ANKFN1: variants seen among roughly 807,000 people sequenced by gnomAD.
The protein encoded by ANKFN1 is ankyrin repeat and fibronectin type III domain containing 1.
In ANKFN1, 74 loss-of-function variants were observed where a neutral mutation model predicts 108.7. The observed-to-expected ratio is 0.68, with a 90% confidence interval of 0.56 to 0.83. The LOEUF is 0.83. ANKFN1 is among the 40% of genes least tolerant of loss of function. The pLI is 0.00. For missense variants in ANKFN1, 1,505 were observed against 1,382.3 expected (o/e 1.09, Z -1.41); for synonymous variants, 547 against 516.2 (o/e 1.06, Z -0.81).
At chr17:56,385,972 T>C (rs1431393295) in intron 8 of ANKFN1, among the ~76,000 whole-genome samples, 1 of 152,172 alleles carries the variant, frequency 6.6e-6, no homozygotes, top group Non-Finnish European at 1.5e-5. Context: ...CATTACTGGG[T>C]ATATACCCAA....
At position 56,374,594 on chromosome 17, in the gene ANKFN1, G is replaced by C. The variant is rs1004410679; in HGVS notation, c.797-7G>C. 1 of 1,605,420 alleles carries C rather than the reference G, an allele frequency of 6.2e-7. No homozygotes were observed. Among genetic ancestry groups the C allele is most frequent in the Non-Finnish European group, 8.5e-7 (1 of 1,172,670 alleles). On this transcript the variant is annotated splice_region_variant and splice_polypyrimidine_tract_variant and intron_variant, in intron 7 of 20. Transcript: ENST00000682825. ...TTAAGATCCTTGTGTTTTTCCTTCT[G>C]TCCCAGGAGCCCCTGAGATGCCAAC...
intron 4 of ANKFN1, among the ~76,000 whole-genome samples, chr17:56,335,926 A>G (rs1327806884): frequency 2.0e-5 from 3 of 152,110 alleles, no homozygotes; most frequent in Non-Finnish European, 4.4e-5. Context: ...TTAGCATGAA[A>G]TGCTGTTGAA....
chr17:56,143,395 C>G (rs1020833372), intron 4 of ANKFN1, among the ~76,000 whole-genome samples: 1 of 152,128 alleles, frequency 6.6e-6, no homozygotes, highest in African/African-American at 2.4e-5. Context: ...TTGGGACACA[C>G]GCCAGCTTGT....
intron 4 of ANKFN1, among the ~76,000 whole-genome samples, chr17:56,105,611 T>C (rs1174725242): frequency 6.6e-6 from 1 of 152,034 alleles, no homozygotes; most frequent in Non-Finnish European, 1.5e-5. Flanking sequence ...CATTTTTCTC[T>C]TCCTCTCTGT....
intron 4 of ANKFN1, among the ~76,000 whole-genome samples, chr17:56,135,754 T>C (rs993960236): frequency 6.6e-6 from 1 of 152,208 alleles, no homozygotes; most frequent in Non-Finnish European, 1.5e-5. Flanking sequence ...CTATTTACTC[T>C]ATGTTTAAGC....
At position 56,511,140 on chromosome 17, in the gene ANKFN1, A is replaced by G; in HGVS notation, c.3312A>G (p.Glu1104=). Residue 1104 remains glutamate (E), a synonymous_variant, in exon 21 of 21, where the codon GAA becomes GAG. Transcript: ENST00000682825. ...PYAAAVVAQD[E]KPWASLSPPS... is the part of the protein sequence containing the mutation. Reference sequence around the variant, plus strand: ...CAGCGGCCGTGGTGGCCCAGGACGAAAAACCATGGGCAAGCTTGAGCCCGC... The same window carrying G: ...CAGCGGCCGTGGTGGCCCAGGACGAGAAACCATGGGCAAGCTTGAGCCCGC... 6.5e-7 allele frequency: 1 copy of G among 1,536,002 alleles called. No individual in the cohort carries two copies. The highest frequency in any genetic ancestry group is 1.2e-5 in the South Asian group (1 of 84,058).
At chr17:56,347,523 C>A (rs1321938331) in intron 4 of ANKFN1, among the ~76,000 whole-genome samples, 1 of 152,000 alleles carries the variant, frequency 6.6e-6, no homozygotes, top group African/African-American at 2.4e-5. Context: ...AAAACTAAAG[C>A]TACACTGATT....
chr17:56,236,348 C>T (rs1020792647), intron 3 of ANKFN1, among the ~76,000 whole-genome samples: 6 of 152,000 alleles, frequency 3.9e-5, no homozygotes, highest in East Asian at 1.9e-4. Flanking sequence ...TGAGCCACCG[C>T]GCCTGGCCCT....
At chr17:56,313,499 A>T (rs2045105681) in intron 3 of ANKFN1, among the ~76,000 whole-genome samples, 1 of 152,268 alleles carries the variant, frequency 6.6e-6, no homozygotes, top group Admixed American at 6.5e-5. Flanking sequence ...ACACTGTGTG[A>T]GCTAGTAGTA....
intron 19 of ANKFN1, among the ~76,000 whole-genome samples, chr17:56,493,605 T>C (rs1598719025): frequency 6.6e-6 from 1 of 152,250 alleles, no homozygotes; most frequent in East Asian, 1.9e-4. Context: ...AAATCTGTAC[T>C]TTTTTTCTGT....
At chr17:56,193,602 G>C (rs918446891) in intron 1 of ANKFN1, among the ~76,000 whole-genome samples, 1 of 143,672 alleles carries the variant, frequency 7.0e-6, no homozygotes, top group Admixed American at 7.0e-5. Context: ...AAAGAATCTA[G>C]ACACAGACCT....
chr17:56,253,597 G>A (rs1383716656), intron 3 of ANKFN1, among the ~76,000 whole-genome samples: 1 of 152,128 alleles, frequency 6.6e-6, no homozygotes, highest in African/African-American at 2.4e-5. Context: ...AATTAGCAGG[G>A]CATGGTGGCA....
chr17:56,145,721 T>A (rs897503585), intron 4 of ANKFN1, among the ~76,000 whole-genome samples: 5 of 152,098 alleles, frequency 3.3e-5, no homozygotes, highest in African/African-American at 1.2e-4. Context: ...CCCTCCCAAA[T>A]CTCCTGTCCT....
intron 3 of ANKFN1, among the ~76,000 whole-genome samples, chr17:56,299,198 G>T: frequency 6.6e-6 from 1 of 152,146 alleles, no homozygotes; most frequent in East Asian, 1.9e-4. Flanking sequence ...TACTCTGGAG[G>T]ATTTGTTTTT....
chr17:56,348,233 T>C (rs1456979764), intron 4 of ANKFN1, among the ~76,000 whole-genome samples: 5 of 152,134 alleles, frequency 3.3e-5, no homozygotes, highest in Non-Finnish European at 7.4e-5. Context: ...GAGAATGTTA[T>C]TAAAGATTTA....
At chr17:56,429,029 A>G (rs942878664) in intron 8 of ANKFN1, among the ~76,000 whole-genome samples, 1 of 152,200 alleles carries the variant, frequency 6.6e-6, no homozygotes, top group African/African-American at 2.4e-5. Context: ...TCCAGGGAAG[A>G]TAAGATATTC....
intron 15 of ANKFN1, among the ~76,000 whole-genome samples, chr17:56,468,893 A>G (rs951234485): frequency 6.6e-6 from 1 of 152,168 alleles, no homozygotes; most frequent in South Asian, 2.1e-4. Flanking sequence ...ACCTTTTATA[A>G]GCAAGTGCTA....
intron 20 of ANKFN1, among the ~76,000 whole-genome samples, chr17:56,501,307 A>C (rs1229784760): frequency 6.6e-6 from 1 of 152,220 alleles, no homozygotes; most frequent in Non-Finnish European, 1.5e-5. Context: ...AGCCATTGGA[A>C]ACTTTTAAGC....
chr17:56,359,440 C>T (rs1018801893), intron 6 of ANKFN1, among the ~76,000 whole-genome samples: 1 of 152,138 alleles, frequency 6.6e-6, no homozygotes, highest in African/African-American at 2.4e-5. Context: ...GAATACCTCT[C>T]TGTTTCAGTC....
Sources: allele counts gnomAD v4.1 joint callset (sites outside exome capture counted in the v4.1 genomes callset), GRCh38; gene constraint gnomAD v4.1.1; transcripts MANE v1.5; gene names NCBI Gene and HGNC (gene_info 2026-07-23, HGNC 2026-07-21).